IMMP2L: variants seen among roughly 807,000 people sequenced by gnomAD.
IMMP2L encodes inner mitochondrial membrane peptidase subunit 2, also known as mitochondrial inner membrane protease subunit 2.
In IMMP2L, 18 loss-of-function variants were observed where a neutral mutation model predicts 19.3. That is an observed-to-expected ratio of 0.93 (90% CI 0.64 to 1.38). The LOEUF is 1.38. IMMP2L is among the 40% of genes most tolerant of loss of function. The pLI is 0.00. For missense variants in IMMP2L, 233 were observed against 218.2 expected, an observed-to-expected ratio of 1.07 and a Z score of -0.43; for synonymous variants, 76 against 73.0, an observed-to-expected ratio of 1.04 and a Z score of -0.21.
At chr7:111,535,769 T>C (rs999448631) in intron 1 of IMMP2L, among the ~76,000 whole-genome samples, 1 of 152,058 alleles carries the variant, frequency 6.6e-6, no homozygotes, top group Non-Finnish European at 1.5e-5. Flanking sequence ...AGAACAGTGG[T>C]GACTGTGGGA....
intron 3 of IMMP2L, among the ~76,000 whole-genome samples, chr7:111,069,807 C>A (rs192141461): frequency 6.6e-6 from 1 of 152,006 alleles, no homozygotes; most frequent in African/African-American, 2.4e-5. Context: ...AAAAATTGAC[C>A]CCCAGGATCT....
chr7:110,943,495 A>C (rs1209487690), intron 4 of IMMP2L, among the ~76,000 whole-genome samples: 1 of 151,958 alleles, frequency 6.6e-6, no homozygotes, highest in Admixed American at 6.6e-5. Context: ...GGCCAATGAC[A>C]TGTATGTGGA....
At chr7:111,226,157 T>G (rs919859266) in intron 3 of IMMP2L, among the ~76,000 whole-genome samples, 1 of 151,944 alleles carries the variant, frequency 6.6e-6, no homozygotes, top group East Asian at 1.9e-4. Flanking sequence ...CTCCTTTTTT[T>G]GTTTTGTTTT....
At chr7:110,835,736 C>T (rs1338035214) in intron 5 of IMMP2L, among the ~76,000 whole-genome samples, 2 of 151,820 alleles carry the variant, frequency 1.3e-5, no homozygotes, top group Non-Finnish European at 2.9e-5. Flanking sequence ...ATATATGACA[C>T]TGTATTCAAT....
chr7:110,698,281 G>A (rs964641867), intron 5 of IMMP2L, among the ~76,000 whole-genome samples: 2 of 152,164 alleles, frequency 1.3e-5, no homozygotes, highest in African/African-American at 4.8e-5. Flanking sequence ...TCTGAAAAGA[G>A]AAATCAATCA....
chr7:111,394,350 T>C (rs1832671380), intron 3 of IMMP2L, among the ~76,000 whole-genome samples: 1 of 152,172 alleles, frequency 6.6e-6, no homozygotes, highest in Non-Finnish European at 1.5e-5. Context: ...CTGCCATCAT[T>C]GATGACATCA....
chr7:111,508,291 A>T (rs1454322869), intron 2 of IMMP2L, among the ~76,000 whole-genome samples: 2 of 152,246 alleles, frequency 1.3e-5, no homozygotes, highest in East Asian at 3.9e-4. Flanking sequence ...AAAAAATAAA[A>T]TTAAAAAAGT....
intron 3 of IMMP2L, among the ~76,000 whole-genome samples, chr7:111,306,042 C>T (rs1393193664): frequency 6.6e-6 from 1 of 152,146 alleles, no homozygotes; most frequent in Non-Finnish European, 1.5e-5. Context: ...GCAAGGATCA[C>T]TTTGATATCT....
rs570886290 is a variant in IMMP2L, at chr7:110,934,324, G to T, written c.305+29176C>A. Among the ~76,000 whole-genome samples, 3 of 152,234 alleles carry T rather than the reference G, an allele frequency of 2.0e-5. No individual in the cohort carries two copies. The East Asian group carries it at 5.8e-4, about 29-fold the overall frequency. ...GAAGAATGTACATTTTGTTGATTTG[G>T]GGTGGAGAGTTCTGTAGATGTCTAT... On this transcript the variant is annotated intron_variant, in intron 4 of 5. Coordinates refer to ENST00000405709, the MANE Select transcript of IMMP2L (RefSeq NM_032549.4).
intron 3 of IMMP2L, among the ~76,000 whole-genome samples, chr7:110,970,958 G>GT (rs1284024336): frequency 6.6e-6 from 1 of 152,106 alleles, no homozygotes; most frequent in Non-Finnish European, 1.5e-5. Flanking sequence ...TGGTAGGTTT[G>GT]AAGGATATTC....
chr7:110,971,563 T>A (rs1297683032), intron 3 of IMMP2L, among the ~76,000 whole-genome samples: 1 of 152,112 alleles, frequency 6.6e-6, no homozygotes, highest in Non-Finnish European at 1.5e-5. Flanking sequence ...GGAGCTTAGA[T>A]GTTGTTCTGA....
At chr7:110,879,595 A>G (rs1422832705) in intron 5 of IMMP2L, among the ~76,000 whole-genome samples, 6 of 152,184 alleles carry the variant, frequency 3.9e-5, no homozygotes, top group East Asian at 3.9e-4. Flanking sequence ...TAAATGGCCA[A>G]TTCTTTAAAA....
intron 3 of IMMP2L, among the ~76,000 whole-genome samples, chr7:111,091,830 G>C (rs1047240944): frequency 1.3e-5 from 2 of 152,012 alleles, no homozygotes; most frequent in African/African-American, 4.8e-5. Flanking sequence ...GGGGAGAAGA[G>C]AGGAGGAGAG....
At chr7:111,112,559 T>C (rs2129584178) in intron 3 of IMMP2L, among the ~76,000 whole-genome samples, 1 of 152,308 alleles carries the variant, frequency 6.6e-6, no homozygotes, top group East Asian at 1.9e-4. Flanking sequence ...TCAGGAAGTT[T>C]TTTCAAAGCT....
intron 5 of IMMP2L, among the ~76,000 whole-genome samples, chr7:110,716,182 TGGATA>T (rs1355677269): frequency 1.3e-5 from 2 of 151,910 alleles, no homozygotes; most frequent in African/African-American, 2.4e-5. Flanking sequence ...GGAAGGACTA[TGGATA>T]TCCTTAGAGG....
intron 1 of IMMP2L, among the ~76,000 whole-genome samples, chr7:111,541,514 G>A (rs960044002): frequency 2.6e-5 from 4 of 152,154 alleles, no homozygotes; most frequent in Admixed American, 2.6e-4. Flanking sequence ...TTTTATACTG[G>A]TCACTAGGAA....
chr7:110,776,270 C>T (rs551006031), intron 5 of IMMP2L, among the ~76,000 whole-genome samples: 1 of 152,112 alleles, frequency 6.6e-6, no homozygotes, highest in South Asian at 2.1e-4. Context: ...TTCTGTACAA[C>T]AGGGTGAGTT....
intron 3 of IMMP2L, among the ~76,000 whole-genome samples, chr7:111,414,311 T>G (rs1334933822): frequency 1.3e-5 from 2 of 151,800 alleles, no homozygotes; most frequent in East Asian, 3.9e-4. Context: ...CTAGGGTGCA[T>G]CCATGTAATC....
intron 4 of IMMP2L, among the ~76,000 whole-genome samples, chr7:110,895,049 G>T (rs529144349): frequency 2.0e-5 from 3 of 152,296 alleles, no homozygotes; most frequent in African/African-American, 4.8e-5. Flanking sequence ...TTTACAAAAG[G>T]AAGAAGTTTA....
Sources: allele counts gnomAD v4.1 joint callset (sites outside exome capture counted in the v4.1 genomes callset), GRCh38; gene constraint gnomAD v4.1.1; transcripts MANE v1.5; gene names NCBI Gene and HGNC (gene_info 2026-07-23, HGNC 2026-07-21).